The following UNC13C variants were observed in gnomAD, a reference collection of about 807,000 sequenced individuals.
UNC13C encodes the protein protein unc-13 homolog C.
UNC13C carries 174 observed loss-of-function variants against 245.4 expected under a neutral mutation model. That is an observed-to-expected ratio of 0.71 (90% CI 0.63 to 0.80). UNC13C has a LOEUF of 0.80. UNC13C is among the 30% of genes least tolerant of loss of function. UNC13C has a pLI of 0.00. For missense variants in UNC13C, 2,829 were observed against 2,602.9 expected, an observed-to-expected ratio of 1.09 and a Z score of -1.89; for synonymous variants, 992 against 895.1, an observed-to-expected ratio of 1.11 and a Z score of -1.93.
intron 19 of UNC13C, among the ~76,000 whole-genome samples, chr15:54,446,206 T>G (rs1012954771): frequency 6.6e-6 from 1 of 152,230 alleles, no homozygotes; most frequent in African/African-American, 2.4e-5. Flanking sequence ...CCTTGTAGTA[T>G]AGTTTAAAGT....
At chr15:54,593,685 T>C (rs977700577) in intron 30 of UNC13C, among the ~76,000 whole-genome samples, 6 of 152,308 alleles carry the variant, frequency 3.9e-5, no homozygotes, top group South Asian at 2.1e-4. Flanking sequence ...GAATTTCTTA[T>C]TGTTTTTTCT....
intron 10 of UNC13C, among the ~76,000 whole-genome samples, chr15:54,280,659 TATATACATAC>T (rs1274891048): frequency 7.0e-6 from 1 of 141,890 alleles, no homozygotes. Context: ...TATATGTATG[TATATACATAC>T]ATATACATAT....
At chr15:54,423,125 A>G (rs2040686458) in intron 19 of UNC13C, among the ~76,000 whole-genome samples, 1 of 151,764 alleles carries the variant, frequency 6.6e-6, no homozygotes, top group Non-Finnish European at 1.5e-5. Context: ...TATAGCATAC[A>G]TATATGACAT....
chr15:54,526,126 G>T (rs62022409), intron 25 of UNC13C, among the ~76,000 whole-genome samples: 7,993 of 152,136 alleles, frequency 0.053, 354 homozygotes, highest in Admixed American at 0.13. Context: ...TTGGTTTTAG[G>T]GCCTAGCAAT....
At chr15:54,320,103 A>T (rs2031290946) in intron 13 of UNC13C, among the ~76,000 whole-genome samples, 1 of 152,034 alleles carries the variant, frequency 6.6e-6, no homozygotes, top group Non-Finnish European at 1.5e-5. Flanking sequence ...AAAATCATAC[A>T]AACTGGACTC....
intron 22 of UNC13C, among the ~76,000 whole-genome samples, chr15:54,505,766 A>G (rs1156542259): frequency 8.2e-6 from 1 of 121,940 alleles, no homozygotes; most frequent in Non-Finnish European, 1.6e-5. Flanking sequence ...TTTTTTTGAG[A>G]CAATCTCGCT....
chr15:54,314,813 C>G (rs762927483), intron 13 of UNC13C, among the ~76,000 whole-genome samples: 2 of 151,672 alleles, frequency 1.3e-5, no homozygotes, highest in African/African-American at 2.4e-5. Flanking sequence ...TCAGTTATAA[C>G]ATTGTCAAAG....
intron 4 of UNC13C, among the ~76,000 whole-genome samples, chr15:54,154,294 T>G (rs560756392): frequency 6.6e-6 from 1 of 152,224 alleles, no homozygotes; most frequent in South Asian, 2.1e-4. Flanking sequence ...AATATGGACA[T>G]TTTAGCAATA....
chr15:54,185,052 G>T lies in UNC13C; in HGVS notation c.3071+41368G>T, dbSNP rs1328974956. On this transcript the variant is annotated intron_variant, in intron 4 of 32. Coordinates refer to ENST00000260323, the MANE Select transcript of UNC13C (RefSeq NM_001080534.3). ...AGCATTTTTTCATGTGTTTTTTGGTGGCATAAATGTCTTCTTTTGAGAAGT... is the reference window on the plus strand; with the variant it reads ...AGCATTTTTTCATGTGTTTTTTGGTTGCATAAATGTCTTCTTTTGAGAAGT... Among the ~76,000 whole-genome samples, 5 of 152,148 alleles carry T rather than the reference G, an allele frequency of 3.3e-5. No homozygotes were observed. The South Asian group carries it at 8.3e-4, about 25-fold the overall frequency.
At chr15:54,027,689 C>G (rs533194213) in intron 2 of UNC13C, among the ~76,000 whole-genome samples, 2 of 152,172 alleles carry the variant, frequency 1.3e-5, no homozygotes, top group African/African-American at 4.8e-5. Flanking sequence ...GGTTTTCTGT[C>G]TCAACAGATG....
intron 30 of UNC13C, among the ~76,000 whole-genome samples, chr15:54,606,963 T>C (rs1899798818): frequency 6.6e-6 from 1 of 152,212 alleles, no homozygotes; most frequent in African/African-American, 2.4e-5. Context: ...TACTAAGCTT[T>C]AAATGAATTA....
At chr15:54,299,993 T>C (rs2037533321) in intron 12 of UNC13C, among the ~76,000 whole-genome samples, 1 of 152,170 alleles carries the variant, frequency 6.6e-6, no homozygotes, top group Non-Finnish European at 1.5e-5. Context: ...CTTCCCATAT[T>C]TATATCAGCG....
Position 54,031,616 on chromosome 15 carries a change from A to G in UNC13C, c.2983+15730A>G, listed in dbSNP as rs765429019. Among the ~76,000 whole-genome samples, 8 of 152,350 alleles carry G rather than the reference A, an allele frequency of 5.3e-5. No individual in the cohort carries two copies. In the South Asian group the frequency reaches 8.3e-4, roughly 16 times the overall value. On this transcript the variant is annotated intron_variant, in intron 2 of 32. Coordinates refer to ENST00000260323, the MANE Select transcript of UNC13C (RefSeq NM_001080534.3). The stretch of plus-strand genomic sequence containing the variant: ...TGATAGAGGGACATAGAACCAGAGC[A>G]TTAGTTGTACCAAATATGTAGGAAG...
chr15:54,340,118 C>G (rs1157091341), intron 17 of UNC13C, among the ~76,000 whole-genome samples: 1 of 152,016 alleles, frequency 6.6e-6, no homozygotes, highest in East Asian at 1.9e-4. Flanking sequence ...ATGTCCTTAT[C>G]CCACTTTCTG....
chr15:53,934,672 G>A, the UNC13C span, among the ~76,000 whole-genome samples: 2 of 152,132 alleles, frequency 1.3e-5, no homozygotes, highest in South Asian at 2.1e-4. Flanking sequence ...TAGAATAGGT[G>A]CTTATGAGTA....
At chr15:54,231,803 G>T (rs1294456452) in intron 4 of UNC13C, among the ~76,000 whole-genome samples, 2 of 151,970 alleles carry the variant, frequency 1.3e-5, no homozygotes, top group African/African-American at 4.8e-5. Context: ...GTCTGCTATG[G>T]TCTGTTCTGA....
the UNC13C span, among the ~76,000 whole-genome samples, chr15:53,958,096 G>A: frequency 6.6e-6 from 1 of 152,076 alleles, no homozygotes; most frequent in African/African-American, 2.4e-5. Context: ...ATTAATAGGA[G>A]CATGAGAAAT....
intron 1 of UNC13C, among the ~76,000 whole-genome samples, chr15:54,005,844 G>C (rs533169488): frequency 1.3e-5 from 2 of 152,198 alleles, no homozygotes; most frequent in East Asian, 3.9e-4. Context: ...AGAGCAGAGG[G>C]TATACAATCA....
intron 4 of UNC13C, among the ~76,000 whole-genome samples, chr15:54,170,019 A>G (rs868372982): frequency 4.4e-4 from 62 of 139,574 alleles, no homozygotes; most frequent in African/African-American, 1.4e-3. Context: ...AAACATCGCT[A>G]TATTCTTAAA....
Sources: allele counts gnomAD v4.1 joint callset (sites outside exome capture counted in the v4.1 genomes callset), GRCh38; gene constraint gnomAD v4.1.1; transcripts MANE v1.5; gene names NCBI Gene and HGNC (gene_info 2026-07-23, HGNC 2026-07-21).